RIMBP2: variants seen among roughly 807,000 people sequenced by gnomAD.
The protein encoded by RIMBP2 is RIMS-binding protein 2.
Under a neutral mutation model 118.6 loss-of-function variants are expected in RIMBP2, and 48 were observed. The observed-to-expected ratio is 0.40, with a 90% CI of 0.32 to 0.51. RIMBP2 has a LOEUF of 0.51. RIMBP2 is among the 20% of genes least tolerant of loss of function. The pLI is 0.41. For synonymous variants in RIMBP2, 762 were observed against 742.9 expected, an observed-to-expected ratio of 1.03 and a Z score of -0.42; for missense variants, 1,551 against 1,768.3, an observed-to-expected ratio of 0.88 and a Z score of 2.20.
intron 11 of RIMBP2, 62 bp from the exon 12 acceptor site, chr12:130,438,578 C>T: frequency 7.1e-7 from 1 of 1,403,064 alleles, no homozygotes; most frequent in Non-Finnish European, 9.5e-7. Flanking sequence ...TGAGCCGTGA[C>T]TGGGCTCTGC....
chr12:130,417,412 T>C, intron 17 of RIMBP2, among the ~76,000 whole-genome samples: 1 of 152,038 alleles, frequency 6.6e-6, no homozygotes, highest in African/African-American at 2.4e-5. Flanking sequence ...GCCAGAGAAA[T>C]GAACAAAATC....
intron 1 of RIMBP2, among the ~76,000 whole-genome samples, chr12:130,655,573 C>T (rs1346986219): frequency 6.6e-6 from 1 of 152,142 alleles, no homozygotes; most frequent in East Asian, 1.9e-4. Flanking sequence ...GATTTTCTTT[C>T]TGAACTAAAA....
intron 3 of RIMBP2, among the ~76,000 whole-genome samples, chr12:130,509,580 C>A (rs886746234): frequency 2.0e-5 from 3 of 152,218 alleles, no homozygotes; most frequent in Non-Finnish European, 4.4e-5. Flanking sequence ...GGTGGTGGAA[C>A]TGGGGTAACC....
intron 4 of RIMBP2, among the ~76,000 whole-genome samples, chr12:130,505,197 G>C (rs1245318056): frequency 6.6e-6 from 1 of 152,144 alleles, no homozygotes; most frequent in Non-Finnish European, 1.5e-5. Context: ...AGGATGGTGA[G>C]CTTGCTGAGA....
intron 2 of RIMBP2, among the ~76,000 whole-genome samples, chr12:130,551,287 C>T (rs1230808931): frequency 6.6e-6 from 1 of 152,188 alleles, no homozygotes; most frequent in Non-Finnish European, 1.5e-5. Context: ...AAGAAGCTGG[C>T]ATCAGAGGGG....
intron 19 of RIMBP2, among the ~76,000 whole-genome samples, chr12:130,409,482 G>A (rs7133892): frequency 0.37 from 55,283 of 151,400 alleles, 10,401 homozygotes; most frequent in East Asian, 0.52. Context: ...AGCTGGGACT[G>A]CAGGCGCCCG....
intron 2 of RIMBP2, among the ~76,000 whole-genome samples, chr12:130,559,739 G>A (rs2056662921): frequency 6.6e-6 from 1 of 152,174 alleles, no homozygotes; most frequent in South Asian, 2.1e-4. Flanking sequence ...ACATGCTGTA[G>A]AGACTAAGGG....
intron 21 of RIMBP2, among the ~76,000 whole-genome samples, chr12:130,404,410 G>C (rs1356507151): frequency 3.3e-5 from 5 of 152,128 alleles, no homozygotes; most frequent in Non-Finnish European, 7.4e-5. Context: ...TGATTCTCCT[G>C]CCTCAGCCTC....
intron 2 of RIMBP2, among the ~76,000 whole-genome samples, chr12:130,561,456 T>G (rs1305143255): frequency 6.6e-6 from 1 of 152,204 alleles, no homozygotes; most frequent in East Asian, 1.9e-4. Flanking sequence ...GGAACCTGAC[T>G]GATACGAGCA....
chr12:130,507,634 G>C (rs1456414130), intron 3 of RIMBP2, among the ~76,000 whole-genome samples: 1 of 152,184 alleles, frequency 6.6e-6, no homozygotes, highest in Non-Finnish European at 1.5e-5. Flanking sequence ...TATTGGGAAG[G>C]CAAGCGCCAT....
chr12:130,438,337 C>CGGGGGGGG, intron 12 of RIMBP2, 28 bp downstream of exon 12: 4 of 1,214,098 alleles, frequency 3.3e-6, no homozygotes, highest in Non-Finnish European at 3.6e-6. Context: ...CCTAACAAAC[C>CGGGGGGGG]CTCCCCACCC....
At chr12:130,435,791 T>C (rs1205309358) in intron 13 of RIMBP2, among the ~76,000 whole-genome samples, 2 of 152,266 alleles carry the variant, frequency 1.3e-5, no homozygotes, top group African/African-American at 2.4e-5. Context: ...GCTGAGGTGC[T>C]GCCGGGGCAG....
At chr12:130,486,101 C>T (rs2082448612) in intron 4 of RIMBP2, among the ~76,000 whole-genome samples, 2 of 152,192 alleles carry the variant, frequency 1.3e-5, no homozygotes, top group South Asian at 4.1e-4. Flanking sequence ...TATCTGCCTC[C>T]CATCTCACAC....
intron 17 of RIMBP2, 108 bp from the exon 18 acceptor site, chr12:130,414,414 T>A: frequency 9.2e-7 from 1 of 1,081,162 alleles, no homozygotes; most frequent in East Asian, 2.4e-5. Flanking sequence ...GTTCCTTGAC[T>A]TTTGTCTTTT....
At chr12:130,678,503 A>G (rs2064609951) in intron 1 of RIMBP2, among the ~76,000 whole-genome samples, 1 of 152,016 alleles carries the variant, frequency 6.6e-6, no homozygotes, top group African/African-American at 2.4e-5. Context: ...CGAAGGCCAC[A>G]TGCTGCAGGA....
At chr12:130,454,257 G>A (rs567099121) in intron 7 of RIMBP2, among the ~76,000 whole-genome samples, 34 of 152,322 alleles carry the variant, frequency 2.2e-4, no homozygotes, top group African/African-American at 7.7e-4. Context: ...CCTTAAATAT[G>A]TATGATTTCT....
chr12:130,664,437 A>ACACGCACGCACGCACGCACG (rs1566439195), intron 1 of RIMBP2, among the ~76,000 whole-genome samples: 1 of 89,408 alleles, frequency 1.1e-5, no homozygotes, highest in Non-Finnish European at 2.7e-5. Flanking sequence ...ACATGCATGC[A>ACACGCACGCACGCACGCACG]CGCACACACG....
At chr12:130,584,140 T>C (rs1593906068) in intron 2 of RIMBP2, among the ~76,000 whole-genome samples, 1 of 140,612 alleles carries the variant, frequency 7.1e-6, no homozygotes, top group East Asian at 2.4e-4. Context: ...TGTAACCACA[T>C]ATGTAACGGT....
At chr12:130,557,139 C>T (rs1266082741) in intron 2 of RIMBP2, among the ~76,000 whole-genome samples, 3 of 152,084 alleles carry the variant, frequency 2.0e-5, no homozygotes, top group South Asian at 4.2e-4. Context: ...GAGACCTTTG[C>T]ACACAGAGCT....
Sources: allele counts gnomAD v4.1 joint callset (sites outside exome capture counted in the v4.1 genomes callset), GRCh38; gene constraint gnomAD v4.1.1; transcripts MANE v1.5; gene names NCBI Gene and HGNC (gene_info 2026-07-23, HGNC 2026-07-21).